Variants in SPRR2F observed in about 807,000 individuals in gnomAD.
SPRR2F encodes the protein small proline rich protein 2F, also known as small proline-rich protein 2F.
In SPRR2F, 2 loss-of-function variants were observed where a neutral mutation model predicts 0.8. The ratio of observed to expected loss-of-function variants is 2.52; its 90% CI spans 1.03 to 7.95. The LOEUF is 7.95. Among genes scored for constraint, SPRR2F ranks in the 30% most tolerant of loss-of-function variants. The pLI, the probability that SPRR2F is intolerant of heterozygous loss-of-function variation, is 0.04. For synonymous variants in SPRR2F, 39 were observed against 33.4 expected (o/e 1.17, Z -0.58); for missense variants, 80 against 85.8 (o/e 0.93, Z 0.27).
chr1:153,118,683 T>C, the SPRR2F span, among the ~76,000 whole-genome samples: 3 of 152,290 alleles, frequency 2.0e-5, no homozygotes, highest in South Asian at 2.1e-4. Flanking sequence ...GGCGGTTCAT[T>C]GCTCCTAGAT....
upstream of SPRR2F, among the ~76,000 whole-genome samples, chr1:153,118,450 A>C (rs1438396683): frequency 6.6e-6 from 1 of 152,166 alleles, no homozygotes; most frequent in Non-Finnish European, 1.5e-5. Context: ...TCAAAGAGAG[A>C]ATATTCAAAG....
At chr1:153,117,093 C>T (rs911175145), upstream of SPRR2F, among the ~76,000 whole-genome samples, 1 of 151,944 alleles carries the variant, frequency 6.6e-6, no homozygotes, top group Non-Finnish European at 1.5e-5. Context: ...AAGTTATTTG[C>T]TTTATCTTTA....
At chr1:153,117,407 A>G (rs1655739187), upstream of SPRR2F, among the ~76,000 whole-genome samples, 1 of 152,098 alleles carries the variant, frequency 6.6e-6, no homozygotes, top group African/African-American at 2.4e-5. Context: ...GAAAATTGAC[A>G]TTGTAAATAT....
the SPRR2F span, among the ~76,000 whole-genome samples, chr1:153,119,431 T>C: frequency 6.6e-6 from 1 of 152,210 alleles, no homozygotes. Context: ...ATTTATTGAA[T>C]GCACTCAGAC....
chr1:153,116,064 G>T (rs1027292997), upstream of SPRR2F, among the ~76,000 whole-genome samples: 3 of 152,294 alleles, frequency 2.0e-5, no homozygotes, highest in South Asian at 2.1e-4. Context: ...AACAGGAATT[G>T]TGGGAAGATT....
chr1:153,114,709 C>T (rs1655685616), upstream of SPRR2F, among the ~76,000 whole-genome samples: 1 of 152,090 alleles, frequency 6.6e-6, no homozygotes, highest in African/African-American at 2.4e-5. Flanking sequence ...GTCTCATGAC[C>T]TGCTAGATTA....
At chr1:153,116,165 A>G (rs1263320870), upstream of SPRR2F, among the ~76,000 whole-genome samples, 1 of 152,222 alleles carries the variant, frequency 6.6e-6, no homozygotes, top group Non-Finnish European at 1.5e-5. Flanking sequence ...TCATTATTCC[A>G]TAATTTTGCT....
At chr1:153,115,861 C>G (rs1255095446), upstream of SPRR2F, among the ~76,000 whole-genome samples, 1 of 152,128 alleles carries the variant, frequency 6.6e-6, no homozygotes, top group African/African-American at 2.4e-5. Context: ...CCTACTTTTA[C>G]TCCATAATTT....
intron 1 of SPRR2F, among the ~76,000 whole-genome samples, chr1:153,113,156 TG>T (rs1655640188): frequency 6.6e-6 from 1 of 152,160 alleles, no homozygotes; most frequent in Non-Finnish European, 1.5e-5. Flanking sequence ...AAGAATTGCA[TG>T]CTCTCACACC....
upstream of SPRR2F, among the ~76,000 whole-genome samples, chr1:153,116,833 G>A (rs140163105): frequency 1.1e-3 from 168 of 152,130 alleles, 2 homozygotes; most frequent in African/African-American, 3.7e-3. Context: ...AAATTTGTCC[G>A]ATTATGATGA....
In SPRR2F at chr1:153,112,604, A is replaced by G. The variant is rs571321591; in HGVS notation, c.130T>C (p.Ser44Pro). 76 of 1,612,738 alleles carry G rather than the reference A, an allele frequency of 4.7e-5. No individual in the cohort carries two copies. The African/African-American group carries it at 6.7e-4, about 14-fold the overall frequency. The change falls in exon 2 of 2, where the codon TCC (serine) becomes CCC (proline). Residue 44 changes from serine (S) to proline (P), a missense_variant. Transcript: ENST00000468739. ...TGCTGGCACTGCTGAGGTGGGCAGG[A>G]CTGTGGACACTTTGATGGTGGGCAG... ...EPCPPSKCPQ[S>P]CPPQQCQQKC...
At chr1:153,117,120 A>G (rs935050665), upstream of SPRR2F, among the ~76,000 whole-genome samples, 25 of 152,074 alleles carry the variant, frequency 1.6e-4, no homozygotes, top group African/African-American at 5.8e-4. Context: ...TTTATATCAT[A>G]TTTCTTTTAG....
chr1:153,114,579 C>G (rs1655681862), upstream of SPRR2F, among the ~76,000 whole-genome samples: 1 of 152,122 alleles, frequency 6.6e-6, no homozygotes, highest in Admixed American at 6.5e-5. Flanking sequence ...GGGGAAAATA[C>G]AAATTAAGTA....
At chr1:153,113,742 G>C (rs971322343), upstream of SPRR2F, among the ~76,000 whole-genome samples, 1 of 152,204 alleles carries the variant, frequency 6.6e-6, no homozygotes, top group African/African-American at 2.4e-5. Context: ...CTCAGTTTCA[G>C]TGACCTATGG....
chr1:153,116,959 T>C (rs948242281), upstream of SPRR2F, among the ~76,000 whole-genome samples: 1 of 152,070 alleles, frequency 6.6e-6, no homozygotes, highest in Admixed American at 6.5e-5. Context: ...AAATTGCACA[T>C]AAAGTACTTA....
upstream of SPRR2F, among the ~76,000 whole-genome samples, chr1:153,116,954 G>T (rs916850719): frequency 1.3e-5 from 2 of 151,982 alleles, no homozygotes; most frequent in Non-Finnish European, 2.9e-5. Flanking sequence ...ATCAGAAATT[G>T]CACATAAAGT....
At chr1:153,115,115 G>A (rs528242305), upstream of SPRR2F, among the ~76,000 whole-genome samples, 3 of 152,266 alleles carry the variant, frequency 2.0e-5, no homozygotes, top group East Asian at 5.8e-4. Context: ...CCGTCAATAA[G>A]GAAGGGCTTT....
intron 1 of SPRR2F, among the ~76,000 whole-genome samples, 188 bp downstream of exon 1, chr1:153,113,286 T>G (rs558695667): frequency 6.6e-6 from 1 of 152,360 alleles, no homozygotes; most frequent in South Asian, 2.1e-4. Context: ...TCTGTCCATA[T>G]GAACACCTAA....
At chr1:153,116,573 C>T (rs1367698917), upstream of SPRR2F, among the ~76,000 whole-genome samples, 1 of 152,112 alleles carries the variant, frequency 6.6e-6, no homozygotes, top group African/African-American at 2.4e-5. Context: ...TGGGGCTGGA[C>T]GTGAGTAGGA....
Sources: allele counts gnomAD v4.1 joint callset (sites outside exome capture counted in the v4.1 genomes callset), GRCh38; gene constraint gnomAD v4.1.1; transcripts MANE v1.5; gene names NCBI Gene and HGNC (gene_info 2026-07-23, HGNC 2026-07-21).